STXBP3: variants seen among roughly 807,000 people sequenced by gnomAD.
STXBP3 encodes syntaxin binding protein 3, also known as syntaxin-binding protein 3.
STXBP3 carries 41 observed loss-of-function variants against 85.7 expected under a neutral mutation model. The ratio of observed to expected loss-of-function variants is 0.48; its 90% CI spans 0.37 to 0.62. The LOEUF (loss-of-function observed/expected upper bound fraction) is 0.62. Among genes scored for constraint, STXBP3 ranks in the 20% least tolerant of loss-of-function variants. STXBP3 has a pLI of 0.00. For missense variants in STXBP3, 563 were observed against 703.1 expected (o/e 0.80, Z 2.25); for synonymous variants, 229 against 231.7 (o/e 0.99, Z 0.10).
intron 11 of STXBP3, among the ~76,000 whole-genome samples, chr1:108,786,244 G>A (rs1662822120): frequency 6.6e-6 from 1 of 152,196 alleles, no homozygotes; most frequent in South Asian, 2.1e-4. Flanking sequence ...TGGCAGGGGA[G>A]AGAAAGAATG....
At chr1:108,758,269 CTT>C (rs11445379) in intron 4 of STXBP3, among the ~76,000 whole-genome samples, 5 of 144,604 alleles carry the variant, frequency 3.5e-5, no homozygotes, top group Non-Finnish European at 4.5e-5. Flanking sequence ...TTACCTTACT[CTT>C]TTTTTTTTTT....
Position 108,765,945 on chromosome 1 carries a change from T to C in STXBP3, c.438+5860T>C, listed in dbSNP as rs545802758. On this transcript the variant is annotated intron_variant, in intron 6 of 18. Transcript: ENST00000370008. Reference sequence around the variant, plus strand: ...TTGGCTCACTTCAGCCTCTGTCTACTGGGCTCAAGCGATTTTCCTGATTCA... The same window carrying C: ...TTGGCTCACTTCAGCCTCTGTCTACCGGGCTCAAGCGATTTTCCTGATTCA... 1.9e-4 allele frequency among the ~76,000 whole-genome samples: 29 copies of C among 149,720 alleles called. No homozygotes were observed. The South Asian group carries it at 3.8e-3, about 20-fold the overall frequency.
rs140703879 is a variant in STXBP3, at chr1:108,803,154, T to C, written c.1535+2849T>C. ...TACAAAAGGTTTGGAGGTTATGTTATCTATTTTTATTCTTGTAGCAGTTTA... is the reference window on the plus strand; with the variant it reads ...TACAAAAGGTTTGGAGGTTATGTTACCTATTTTTATTCTTGTAGCAGTTTA... On this transcript the variant is annotated intron_variant, in intron 17 of 18. Transcript: ENST00000370008. Among the ~76,000 whole-genome samples the C allele has an allele frequency of 5.0e-3, 758 of 152,332 alleles. 3 individuals are homozygous for C. Among genetic ancestry groups the C allele is most frequent in the Middle Eastern group, 0.01 (3 of 294 alleles).
intron 2 of STXBP3, 70 bp from the exon 3 acceptor site, chr1:108,752,993 G>A (rs906909279): frequency 5.8e-6 from 7 of 1,214,748 alleles, no homozygotes; most frequent in Non-Finnish European, 7.9e-6. Flanking sequence ...AAGTTTAATG[G>A]ATAAAATTCT....
At chr1:108,794,801 A>C (rs1557813979) in intron 12 of STXBP3, 26 bp from the exon 13 acceptor site, 1 of 1,595,202 alleles carries the variant, frequency 6.3e-7, no homozygotes, top group East Asian at 2.3e-5. Context: ...AAATCCTTTA[A>C]ATGATTGATT....
intron 7 of STXBP3, among the ~76,000 whole-genome samples, chr1:108,773,112 C>T (rs1662505089): frequency 6.6e-6 from 1 of 152,112 alleles, no homozygotes; most frequent in Non-Finnish European, 1.5e-5. Context: ...TACAGTGTTA[C>T]AGTTAATGTT....
chr1:108,805,419 A>ATTTTT (rs34972308), intron 17 of STXBP3, among the ~76,000 whole-genome samples: 8 of 114,328 alleles, frequency 7.0e-5, no homozygotes, highest in African/African-American at 1.3e-4. Context: ...CTAGATTCAG[A>ATTTTT]TTTTTTTTTT....
chr1:108,808,802 A>G lies in STXBP3; in HGVS notation c.1704A>G (p.Thr568=). ...TACCAGGTTCTACACATGTTTTAAC[A>G]CCCAAAAAGCTGTTGGATGATATAA... ...EVIIGSTHVL[T]PKKLLDDIKM... is the part of the protein sequence containing the mutation. Residue 568 remains threonine (T), a synonymous_variant, in exon 19 of 19, where the codon ACA becomes ACG. Coordinates refer to ENST00000370008, the MANE Select transcript of STXBP3 (RefSeq NM_007269.4). 1 of 1,612,872 alleles carries G rather than the reference A, an allele frequency of 6.2e-7. No homozygotes were observed. Among genetic ancestry groups the G allele is most frequent in the Non-Finnish European group, 8.5e-7 (1 of 1,179,632 alleles).
At chr1:108,766,468 T>C (rs1177804821) in intron 6 of STXBP3, among the ~76,000 whole-genome samples, 2 of 152,164 alleles carry the variant, frequency 1.3e-5, no homozygotes, top group African/African-American at 4.8e-5. Context: ...CCAGAACATA[T>C]ACGTTACATT....
At chr1:108,767,051 T>G (rs1231603305) in intron 6 of STXBP3, 1 of 402,234 alleles carries the variant, frequency 2.5e-6, no homozygotes, top group Non-Finnish European at 4.9e-6. Context: ...CAGGTTGTAC[T>G]CCAAGGAGAT....
intron 18 of STXBP3, 25 bp downstream of exon 18, chr1:108,807,574 C>A: frequency 4.9e-6 from 7 of 1,418,640 alleles, no homozygotes; most frequent in Non-Finnish European, 4.7e-6. Context: ...TTCTTCTTTT[C>A]TGTTTTTTTT....
chr1:108,802,387 A>C (rs1321724006), intron 17 of STXBP3, among the ~76,000 whole-genome samples: 1 of 151,956 alleles, frequency 6.6e-6, no homozygotes, highest in African/African-American at 2.4e-5. Context: ...ACAGAGCAAG[A>C]CTCCACCTCA....
chr1:108,802,727 C>T (rs767736890), intron 17 of STXBP3, among the ~76,000 whole-genome samples: 18 of 152,194 alleles, frequency 1.2e-4, no homozygotes, highest in Non-Finnish European at 2.4e-4. Context: ...GTTTTCCCCA[C>T]AATTTCATCC....
chr1:108,765,324 C>T (rs1465916725), intron 6 of STXBP3, among the ~76,000 whole-genome samples: 1 of 152,210 alleles, frequency 6.6e-6, no homozygotes, highest in Non-Finnish European at 1.5e-5. Context: ...AGAAAACAAA[C>T]AGGAGCCTCC....
intron 18 of STXBP3, among the ~76,000 whole-genome samples, chr1:108,808,499 A>G (rs1663389347): frequency 6.6e-6 from 1 of 152,224 alleles, no homozygotes; most frequent in African/African-American, 2.4e-5. Context: ...AGTGCTGAGG[A>G]TAGGATAATC....
chr1:108,806,675 A>G (rs987641004), intron 17 of STXBP3, among the ~76,000 whole-genome samples: 4 of 152,156 alleles, frequency 2.6e-5, no homozygotes, highest in African/African-American at 4.8e-5. Flanking sequence ...TCAAGGAACA[A>G]CCTAATACTA....
At chr1:108,800,471 T>C (rs1322486149) in intron 17 of STXBP3, among the ~76,000 whole-genome samples, 166 bp downstream of exon 17, 1 of 152,210 alleles carries the variant, frequency 6.6e-6, no homozygotes, top group Non-Finnish European at 1.5e-5. Context: ...AATATGAAAA[T>C]GTACTTTATT....
At chr1:108,776,208 TA>T in intron 7 of STXBP3, 124 bp from the exon 8 acceptor site, 1 of 542,138 alleles carries the variant, frequency 1.8e-6, no homozygotes, top group Non-Finnish European at 3.0e-6. Flanking sequence ...TACATGTTTA[TA>T]AAATAATTTT....
At chr1:108,746,904 T>A (rs1325253412) in intron 1 of STXBP3, 118 bp downstream of exon 1, 14 of 1,016,716 alleles carry the variant, frequency 1.4e-5, no homozygotes, top group Non-Finnish European at 2.1e-5. Context: ...ACTTGTTGCT[T>A]TGGGACCTGT....
Sources: gnomAD v4.1 joint callset for allele counts (sites outside exome capture counted in the v4.1 genomes callset) on GRCh38, gnomAD v4.1.1 for gene constraint, MANE v1.5 for transcripts, NCBI Gene and HGNC (gene_info 2026-07-23, HGNC 2026-07-21) for gene names.